The following MAD1L1 variants were observed in gnomAD, a reference collection of about 807,000 sequenced individuals.
MAD1L1 encodes mitotic arrest deficient 1 like 1, also known as mitotic spindle assembly checkpoint protein MAD1.
A neutral mutation model predicts 96.9 loss-of-function variants in MAD1L1; 95 were observed. The observed-to-expected ratio is 0.98, with a 90% CI of 0.83 to 1.16. MAD1L1 has a LOEUF of 1.16. MAD1L1 is among the 50% of genes most tolerant of loss of function. MAD1L1 has a pLI of 0.00. For missense variants in MAD1L1, 1,007 were observed against 954.4 expected (o/e 1.06, Z -0.73); for synonymous variants, 473 against 396.6 (o/e 1.19, Z -2.29).
rs141630376 is a variant in MAD1L1 at position 1,932,518 on chromosome 7, C to T, written c.1807+4169G>A. Among the ~76,000 whole-genome samples, 651 of 152,342 alleles carry T rather than the reference C, an allele frequency of 4.3e-3. 3 individuals are homozygous for T. Among genetic ancestry groups the T allele is most frequent in the African/African-American group, 0.014 (600 of 41,584 alleles). On this transcript the variant is annotated intron_variant, in intron 17 of 18. Transcript: ENST00000265854. Reference sequence around the variant, plus strand: ...GTGGGGCTGGGGGGCTATGAGATCCCGAGATGCAGGTCACTCTGCTAGAAA... The same window carrying T: ...GTGGGGCTGGGGGGCTATGAGATCCTGAGATGCAGGTCACTCTGCTAGAAA...
chr7:2,067,908 C>T (rs1027940131), intron 12 of MAD1L1, among the ~76,000 whole-genome samples: 1 of 152,266 alleles, frequency 6.6e-6, no homozygotes, highest in Admixed American at 6.5e-5. Context: ...GCTAGAAGAG[C>T]GAATCCTCCA....
intron 14 of MAD1L1, among the ~76,000 whole-genome samples, chr7:1,987,797 C>T (rs1029924535): frequency 1.3e-5 from 2 of 152,190 alleles, no homozygotes; most frequent in African/African-American, 2.4e-5. Context: ...GGCACAGGCC[C>T]GGGGCAGCAG....
intron 11 of MAD1L1, among the ~76,000 whole-genome samples, chr7:2,143,601 G>C (rs766995475): frequency 8.6e-5 from 13 of 151,512 alleles, no homozygotes; most frequent in Non-Finnish European, 1.8e-4. Context: ...GCTTGACAAG[G>C]GCCTGACTCC....
intron 11 of MAD1L1, among the ~76,000 whole-genome samples, chr7:2,071,215 AG>A (rs11315918): frequency 0.24 from 35,935 of 152,134 alleles, 4,501 homozygotes; most frequent in South Asian, 0.34. Context: ...GTAACTTAGT[AG>A]AAGTCTTGAA....
At chr7:2,060,289 C>G (rs111595851) in intron 12 of MAD1L1, among the ~76,000 whole-genome samples, 867 of 77,122 alleles carry the variant, frequency 0.011, 1 homozygote, top group Middle Eastern at 0.043. Context: ...ATACGCCGAT[C>G]CCGAGATACG....
In MAD1L1 at chr7:2,069,417, G is replaced by T. The variant is rs945667060; in HGVS notation, c.1074-79C>A. 3.6e-6 allele frequency: 5 copies of T among 1,369,906 alleles called. No individual in the cohort carries two copies. The African/African-American group carries it at 4.4e-5, about 12-fold the overall frequency. The allele number at this position is 1,369,906 out of a possible 1,614,324, so 84.9% of individuals were successfully genotyped here. Reference sequence around the variant, plus strand: ...CCAAGCCCCGCCCCACCCCAGGAACGAGCCCACCAGGACATCCTAAAATAG... The same window carrying T: ...CCAAGCCCCGCCCCACCCCAGGAACTAGCCCACCAGGACATCCTAAAATAG... On this transcript the variant is annotated intron_variant, in intron 11 of 18. Transcript: ENST00000265854.
intron 10 of MAD1L1, among the ~76,000 whole-genome samples, chr7:2,181,899 G>A (rs1049659789): frequency 7.2e-5 from 11 of 152,070 alleles, no homozygotes; most frequent in Admixed American, 4.6e-4. Context: ...TGGAGTTGGA[G>A]ACCATTCTTC....
At chr7:1,850,807 G>T (rs1236962722) in intron 18 of MAD1L1, among the ~76,000 whole-genome samples, 1 of 152,194 alleles carries the variant, frequency 6.6e-6, no homozygotes, top group African/African-American at 2.4e-5. Context: ...TTCACTGCAG[G>T]CCAGACCGTG....
At chr7:2,102,267 A>G (rs563163777) in intron 11 of MAD1L1, among the ~76,000 whole-genome samples, 3 of 141,578 alleles carry the variant, frequency 2.1e-5, no homozygotes, top group Middle Eastern at 3.5e-3. Flanking sequence ...CATCACCACC[A>G]TCACTATCAC....
At chr7:1,870,847 C>T (rs1354379412) in intron 18 of MAD1L1, among the ~76,000 whole-genome samples, 5 of 131,410 alleles carry the variant, frequency 3.8e-5, no homozygotes, top group East Asian at 2.4e-4. Flanking sequence ...CACGCTGAAC[C>T]GACCATAACA....
At chr7:2,177,618 C>G (rs952818803) in intron 10 of MAD1L1, among the ~76,000 whole-genome samples, 3 of 152,196 alleles carry the variant, frequency 2.0e-5, no homozygotes, top group Admixed American at 1.3e-4. Context: ...CCAATTTCCT[C>G]ATTAGTTGCA....
chr7:1,922,653 T>C (rs931251431), intron 17 of MAD1L1, among the ~76,000 whole-genome samples: 8 of 152,192 alleles, frequency 5.3e-5, no homozygotes, highest in African/African-American at 1.9e-4. Context: ...CTGCTGCCCA[T>C]CTGGGGCTCT....
intron 12 of MAD1L1, among the ~76,000 whole-genome samples, chr7:2,036,264 G>A (rs1194703749): frequency 5.2e-5 from 5 of 95,338 alleles, no homozygotes; most frequent in Admixed American, 9.9e-5. Flanking sequence ...CTGACAAGTC[G>A]GGACAGAGCT....
intron 10 of MAD1L1, among the ~76,000 whole-genome samples, chr7:2,206,442 G>A (rs1487927631): frequency 2.6e-5 from 4 of 152,162 alleles, no homozygotes; most frequent in East Asian, 1.9e-4. Context: ...TTACACATAG[G>A]TCTATGCGTC....
intron 18 of MAD1L1, among the ~76,000 whole-genome samples, chr7:1,834,669 C>T (rs1192500976): frequency 3.9e-5 from 6 of 152,248 alleles, no homozygotes; most frequent in East Asian, 3.9e-4. Flanking sequence ...ATGGGTTTAC[C>T]GATGAATTGG....
intron 18 of MAD1L1, among the ~76,000 whole-genome samples, chr7:1,837,167 A>T (rs1255547276): frequency 6.6e-6 from 1 of 152,242 alleles, no homozygotes; most frequent in African/African-American, 2.4e-5. Flanking sequence ...GTGAACAGGC[A>T]CTTCAGCGAA....
At chr7:2,052,875 C>T (rs1193350112) in intron 12 of MAD1L1, among the ~76,000 whole-genome samples, 1 of 152,012 alleles carries the variant, frequency 6.6e-6, no homozygotes, top group African/African-American at 2.4e-5. Context: ...GCTGGACCTC[C>T]GGGGCCATGG....
At chr7:1,928,390 C>G (rs1789221528) in intron 17 of MAD1L1, among the ~76,000 whole-genome samples, 2 of 150,942 alleles carry the variant, frequency 1.3e-5, no homozygotes, top group African/African-American at 4.9e-5. Flanking sequence ...CCACCAGTCC[C>G]TAGAGGAGCC....
In MAD1L1 at chr7:2,210,474, G is replaced by A. The variant is rs921352543; in HGVS notation, c.986+2738C>T. Among the ~76,000 whole-genome samples, 13 of 115,216 alleles carry A rather than the reference G, an allele frequency of 1.1e-4. 1 individual carries two copies. The highest frequency in any genetic ancestry group is 2.2e-4 in the Non-Finnish European group (11 of 49,104). 75.6% of individuals were successfully genotyped at this position (115,216 alleles called of 152,430 possible). On this transcript the variant is annotated intron_variant, in intron 10 of 18. Transcript: ENST00000265854. ...CTCTCTAGGAGCCGTATTCGGGACC[G>A]CCAGCCCGCATTCCCGTGGACTCTC... is the stretch of plus-strand genomic sequence containing the variant.
Sources: allele counts gnomAD v4.1 joint callset (sites outside exome capture counted in the v4.1 genomes callset), GRCh38; gene constraint gnomAD v4.1.1; transcripts MANE v1.5; gene names NCBI Gene and HGNC (gene_info 2026-07-23, HGNC 2026-07-21).